The following SLC38A10 variants were observed in gnomAD, a reference collection of about 807,000 sequenced individuals.
The protein encoded by SLC38A10 is Sodium-coupled neutral amino acid transporter 10.
A neutral mutation model predicts 81.0 loss-of-function variants in SLC38A10; 53 were observed. The observed-to-expected ratio is 0.65, with a 90% CI of 0.53 to 0.82. The LOEUF (loss-of-function observed/expected upper bound fraction) is 0.82, where lower values mean the gene tolerates loss of function less well. Ranked by LOEUF, SLC38A10 falls within the 40% of genes least tolerant of loss-of-function variation. The probability of loss-of-function intolerance (pLI) is 0.00; values close to 1 mark genes in which losing one functional copy is unlikely to be tolerated. For synonymous variants in SLC38A10, 665 were observed against 655.3 expected, an observed-to-expected ratio of 1.01 and a Z score of -0.23; for missense variants, 1,471 against 1,545.0, an observed-to-expected ratio of 0.95 and a Z score of 0.80.
At chr17:81,251,908 GCGCCCCCCGCGC>G (rs1567924903) in intron 13 of SLC38A10, 2 of 516,598 alleles carry the variant, frequency 3.9e-6, no homozygotes, top group Non-Finnish European at 6.5e-6. Context: ...TACCTGTCAG[GCGCCCCCCGCGC>G]CGCCCCCCGT....
chr17:81,253,067 C>T lies in SLC38A10; in HGVS notation c.1456+6G>A. On this transcript the variant is annotated splice_donor_region_variant and intron_variant, in intron 12 of 15. Coordinates refer to ENST00000374759, the MANE Select transcript of SLC38A10 (RefSeq NM_001037984.3). This position sits in a 1 kb window ranked among gnomAD's most constrained non-coding sequence, Gnocchi z 4.1. ...CCCATCCGCACCCCCAGCCAGTGCC[C>T]AGCACCTTGCCCAGGGCGATCGAGC... The T allele has an allele frequency of 6.2e-7, 1 of 1,612,146 alleles. No individual in the cohort carries two copies. The highest frequency in any genetic ancestry group is 8.5e-7 in the Non-Finnish European group (1 of 1,179,912).
rs1235098392 is a variant in SLC38A10, at chr17:81,277,545, C to A, written c.627-412G>T. On this transcript the variant is annotated intron_variant, in intron 6 of 15. Transcript: ENST00000374759. The surrounding 1 kb of genome is among the most constrained non-coding windows in gnomAD (Gnocchi z 4.5). Reference sequence around the variant, plus strand: ...GGGCGGCCGGCCCATCTCGGCGCCTCCATCTCGGCGCCTCCGCACAGGCAT... The same window carrying A: ...GGGCGGCCGGCCCATCTCGGCGCCTACATCTCGGCGCCTCCGCACAGGCAT... Among the ~76,000 whole-genome samples, 1 of 152,140 alleles carries A rather than the reference C, an allele frequency of 6.6e-6. No individual in the cohort carries two copies. Among genetic ancestry groups the A allele is most frequent in the Non-Finnish European group, 1.5e-5 (1 of 67,986 alleles).
intron 2 of SLC38A10, among the ~76,000 whole-genome samples, chr17:81,287,188 C>T (rs887448620): frequency 6.6e-6 from 1 of 152,204 alleles, no homozygotes; most frequent in African/African-American, 2.4e-5. Flanking sequence ...CACTGGAGGA[C>T]AGCGGGGAGG....
intron 3 of SLC38A10, among the ~76,000 whole-genome samples, chr17:81,284,577 G>C (rs929796989): frequency 2.6e-5 from 4 of 152,172 alleles, no homozygotes; most frequent in Admixed American, 6.5e-5. Flanking sequence ...CCTTTATGCA[G>C]CGGTGTTTGA....
At chr17:81,279,996 C>G (rs1226388351) in intron 6 of SLC38A10, 1 of 346,702 alleles carries the variant, frequency 2.9e-6, no homozygotes, top group East Asian at 8.1e-5. Context: ...GCTCTGCCAG[C>G]CCCCCGCATG....
intron 11 of SLC38A10, among the ~76,000 whole-genome samples, chr17:81,254,023 T>C (rs967672526): frequency 1.3e-5 from 2 of 151,322 alleles, no homozygotes; most frequent in Non-Finnish European, 2.9e-5. Context: ...ATCACCTACA[T>C]CACCGTCACC....
chr17:81,250,908 A>C, intron 14 of SLC38A10: 1 of 1,155,304 alleles, frequency 8.7e-7, no homozygotes, highest in Non-Finnish European at 1.1e-6. Context: ...TTCTCAGGAG[A>C]GCAAAGGCGT....
intron 5 of SLC38A10, 23 bp from the exon 6 acceptor site, chr17:81,280,756 G>C (rs545787591): frequency 3.6e-5 from 57 of 1,603,114 alleles, no homozygotes; most frequent in East Asian, 2.2e-4. Flanking sequence ...AGGGGAGAGA[G>C]CACGGGGCAG....
rs1286742700 is a variant in SLC38A10 at position 81,270,332 on chromosome 17, T to C, written c.1131+586A>G. On this transcript the variant is annotated intron_variant, in intron 10 of 15. Transcript: ENST00000374759. This position sits in a 1 kb window ranked among gnomAD's most constrained non-coding sequence, Gnocchi z 4.0. ...ATATTCATCGCGATTCTGTCTGCAA[T>C]AGCAAGACTGGAGAGGTGAGTCCTT... 6.6e-6 allele frequency among the ~76,000 whole-genome samples: 1 copy of C among 152,216 alleles called. No individual in the cohort carries two copies. The highest frequency in any genetic ancestry group is 1.9e-4 in the East Asian group (1 of 5,196).
In SLC38A10 at chr17:81,280,745, G is replaced by A. The variant is rs375183947; in HGVS notation, c.502-12C>T. On this transcript the variant is annotated splice_polypyrimidine_tract_variant and intron_variant, in intron 5 of 15. Transcript: ENST00000374759. ...GAGGAGAGCACGATCTGCAGAGGGA[G>A]AGGGGAGAGAGCACGGGGCAGGTCA... 1.7e-5 allele frequency: 28 copies of A among 1,608,360 alleles called. No homozygotes were observed. The highest frequency in any genetic ancestry group is 2.4e-5 in the Non-Finnish European group (28 of 1,176,774).
At chr17:81,278,923 C>T (rs1415254354) in intron 6 of SLC38A10, among the ~76,000 whole-genome samples, 1 of 152,196 alleles carries the variant, frequency 6.6e-6, no homozygotes, top group African/African-American at 2.4e-5. Flanking sequence ...GACCACCTAC[C>T]CCAGGGACCC....
chr17:81,275,968 C>T lies in SLC38A10; in HGVS notation c.912+1G>A. ...TCCGGAGAGTGCCCCGAGGGTCTTA[C>T]CTGCTGCTCACACAGCAGCGTGCTC... is the stretch of plus-strand genomic sequence containing the variant. On this transcript the variant is annotated splice_donor_variant, in intron 8 of 15. Coordinates refer to ENST00000374759, the MANE Select transcript of SLC38A10 (RefSeq NM_001037984.3). LOFTEE classifies it high-confidence loss of function. 1.2e-6 allele frequency: 2 copies of T among 1,612,998 alleles called. No homozygotes were observed. Among genetic ancestry groups the T allele is most frequent in the African/African-American group, 1.3e-5 (1 of 75,036 alleles).
chr17:81,255,498 G>GC (rs2062963759), intron 11 of SLC38A10, among the ~76,000 whole-genome samples: 2 of 152,216 alleles, frequency 1.3e-5, no homozygotes, highest in Admixed American at 1.3e-4. Flanking sequence ...TATGGGGAGT[G>GC]CCCCCGCCAG....
Position 81,277,005 on chromosome 17 carries a change from C to T in SLC38A10, c.729+26G>A, listed in dbSNP as rs367561879. 15 of 1,604,414 alleles carry T rather than the reference C, an allele frequency of 9.3e-6. No homozygotes were observed. The highest frequency in any genetic ancestry group is 5.4e-5 in the African/African-American group (4 of 74,730). On this transcript the variant is annotated intron_variant, in intron 7 of 15. Transcript: ENST00000374759. This position sits in a 1 kb window ranked among gnomAD's most constrained non-coding sequence, Gnocchi z 4.5. ...ACATCATGCTGGCATGACACAGGGG[C>T]GGAGAGGGCGTGGCAAGGCTCTTAC...
At chr17:81,247,681 A>T (rs1295028497) in intron 14 of SLC38A10, 8 of 151,660 alleles carry the variant, frequency 5.3e-5, no homozygotes, top group African/African-American at 1.7e-4. Flanking sequence ...AAAAAAACAA[A>T]AAAATAAAAA....
chr17:81,284,188 T>C (rs1465528078), intron 3 of SLC38A10, among the ~76,000 whole-genome samples: 2 of 151,796 alleles, frequency 1.3e-5, no homozygotes, highest in Non-Finnish European at 2.9e-5. Context: ...CAAAACCCTG[T>C]CTCTACTAAA....
intron 5 of SLC38A10, 76 bp downstream of exon 5, chr17:81,282,113 G>A (rs1289238763): frequency 1.3e-6 from 2 of 1,591,926 alleles, no homozygotes; most frequent in Admixed American, 1.7e-5. Flanking sequence ...ACCTGGGCAC[G>A]AGCCTGCTGT....
Position 81,270,841 on chromosome 17 carries a change from G to A in SLC38A10, c.1131+77C>T. Reference sequence around the variant, plus strand: ...ACCCATCTGAAAACGCTGAACCAGGGGCTTCCTCCCGCCTCCACCTCTCCC... The same window carrying A: ...ACCCATCTGAAAACGCTGAACCAGGAGCTTCCTCCCGCCTCCACCTCTCCC... On this transcript the variant is annotated intron_variant, in intron 10 of 15. Transcript: ENST00000374759. This position sits in a 1 kb window ranked among gnomAD's most constrained non-coding sequence, Gnocchi z 4.0. 1.6e-6 allele frequency: 2 copies of A among 1,251,460 alleles called. No homozygotes were observed. Among genetic ancestry groups the A allele is most frequent in the Non-Finnish European group, 1.2e-6 (1 of 863,582 alleles). 77.5% of individuals were successfully genotyped at this position (1,251,460 alleles called of 1,614,324 possible).
Position 81,247,168 on chromosome 17 carries a change from A to T in SLC38A10, c.2066-107T>A, listed in dbSNP as rs917483623. 1.1e-5 allele frequency: 13 copies of T among 1,207,202 alleles called. No individual in the cohort carries two copies. In the East Asian group the frequency reaches 2.6e-4, roughly 24 times the overall value. 74.8% of individuals were successfully genotyped at this position (1,207,202 alleles called of 1,614,324 possible). On this transcript the variant is annotated intron_variant, in intron 14 of 15. Coordinates refer to ENST00000374759, the MANE Select transcript of SLC38A10 (RefSeq NM_001037984.3). Reference sequence around the variant, plus strand: ...GGCAACGCACAGGTCACCTGCAGGGAGTGTGCCCGAACACTGGCCACTGGT... The same window carrying T: ...GGCAACGCACAGGTCACCTGCAGGGTGTGTGCCCGAACACTGGCCACTGGT...
Sources: gnomAD v4.1 joint callset for allele counts (sites outside exome capture counted in the v4.1 genomes callset) on GRCh38, gnomAD v4.1.1 for gene constraint, Gnocchi (gnomAD v3.1) non-coding constraint, MANE v1.5 for transcripts, NCBI Gene and HGNC (gene_info 2026-07-23, HGNC 2026-07-21) for gene names.